Variants in LDLRAD4 observed in about 807,000 individuals in gnomAD.
LDLRAD4 encodes the protein low-density lipoprotein receptor class A domain-containing protein 4.
In LDLRAD4, 5 loss-of-function variants were observed where a neutral mutation model predicts 17.0. The observed-to-expected ratio is 0.29, with a 90% CI of 0.15 to 0.62. The LOEUF is 0.62. Ranked by LOEUF, LDLRAD4 falls within the 20% of genes least tolerant of loss-of-function variation. The pLI is 0.84. For missense variants in LDLRAD4, 340 were observed against 424.7 expected, an observed-to-expected ratio of 0.80 and a Z score of 1.75; for synonymous variants, 168 against 171.8, an observed-to-expected ratio of 0.98 and a Z score of 0.17.
intron 3 of LDLRAD4, among the ~76,000 whole-genome samples, chr18:13,595,317 A>ATTTGATATCTTTCTTAATGTAGGC (rs1171030181): frequency 2.0e-5 from 3 of 151,902 alleles, no homozygotes; most frequent in Non-Finnish European, 4.4e-5. Context: ...TAGGTTATTA[A>ATTTGATATCTTTCTTAATGTAGGC]TTTGATATCT....
intron 3 of LDLRAD4, among the ~76,000 whole-genome samples, chr18:13,586,764 T>A (rs1351116900): frequency 6.6e-6 from 1 of 151,466 alleles, no homozygotes; most frequent in Non-Finnish European, 1.5e-5. Context: ...GGCGCACACC[T>A]GTAATCCCAC....
At chr18:13,437,459 A>T (rs1245417566) in intron 2 of LDLRAD4, among the ~76,000 whole-genome samples, 1 of 152,234 alleles carries the variant, frequency 6.6e-6, no homozygotes, top group Non-Finnish European at 1.5e-5. Context: ...ATGGATAGTA[A>T]TGTGTTAAGT....
intron 3 of LDLRAD4, among the ~76,000 whole-genome samples, chr18:13,455,988 G>A (rs937752146): frequency 6.6e-6 from 1 of 152,120 alleles, no homozygotes; most frequent in East Asian, 1.9e-4. Flanking sequence ...TGGCAGGAGC[G>A]CCCGCCATGT....
In LDLRAD4 at chr18:13,300,269, C is replaced by T. The variant is rs1599232688; in HGVS notation, c.-383+22081C>T. On this transcript the variant is annotated intron_variant, in intron 1 of 5. Coordinates refer to ENST00000359446, the Ensembl canonical transcript of LDLRAD4. This position sits in a 1 kb window ranked among gnomAD's most constrained non-coding sequence, Gnocchi z 4.2. Reference sequence around the variant, plus strand: ...CAGGCCCGCAGAGGGGGCCGGCAGCCTCTTCCCACTCTCCTGCCCACCCCG... The same window carrying T: ...CAGGCCCGCAGAGGGGGCCGGCAGCTTCTTCCCACTCTCCTGCCCACCCCG... Among the ~76,000 whole-genome samples the T allele has an allele frequency of 3.3e-5, 5 of 152,194 alleles. No individual in the cohort carries two copies. The highest frequency in any genetic ancestry group is 7.4e-5 in the Non-Finnish European group (5 of 68,018).
intron 3 of LDLRAD4, among the ~76,000 whole-genome samples, chr18:13,590,503 G>A (rs1213978422): frequency 1.3e-5 from 2 of 152,184 alleles, no homozygotes; most frequent in Non-Finnish European, 2.9e-5. Context: ...GAATGTACAC[G>A]GCCCTGCAGC....
At chr18:13,263,794 C>T (rs1344225420) in intron 1 of LDLRAD4, among the ~76,000 whole-genome samples, 14 of 152,166 alleles carry the variant, frequency 9.2e-5, no homozygotes, top group Admixed American at 8.5e-4. Flanking sequence ...GTGAGGGAGT[C>T]GAGCTTGGAC....
At chr18:13,305,342 C>A (rs1191253404) in intron 1 of LDLRAD4, among the ~76,000 whole-genome samples, 5 of 152,184 alleles carry the variant, frequency 3.3e-5, no homozygotes, top group African/African-American at 1.2e-4. Flanking sequence ...TAGTCCATTG[C>A]TATACTACTG....
At chr18:13,637,848 A>G (rs1333138772) in intron 4 of LDLRAD4, among the ~76,000 whole-genome samples, 1 of 151,198 alleles carries the variant, frequency 6.6e-6, no homozygotes, top group Non-Finnish European at 1.5e-5. Context: ...CCTGGGCAAC[A>G]GAGCAAGACT....
At chr18:13,356,981 A>G (rs1399580733) in intron 1 of LDLRAD4, among the ~76,000 whole-genome samples, 1 of 152,070 alleles carries the variant, frequency 6.6e-6, no homozygotes, top group Non-Finnish European at 1.5e-5. Flanking sequence ...TAAAAATACA[A>G]AAATTAGCCG....
At chr18:13,322,364 A>G (rs188522605) in intron 1 of LDLRAD4, among the ~76,000 whole-genome samples, 4 of 147,184 alleles carry the variant, frequency 2.7e-5, no homozygotes, top group Middle Eastern at 3.5e-3. Context: ...CAGTGGCGCA[A>G]TCTTGGCTCA....
At chr18:13,361,769 G>A (rs1179147906) in intron 1 of LDLRAD4, among the ~76,000 whole-genome samples, 1 of 152,156 alleles carries the variant, frequency 6.6e-6, no homozygotes, top group Admixed American at 6.5e-5. Context: ...TGTTTTCCAT[G>A]AGGGGCCTCT....
chr18:13,535,960 G>A (rs1359867441), intron 3 of LDLRAD4, among the ~76,000 whole-genome samples: 2 of 152,224 alleles, frequency 1.3e-5, no homozygotes, highest in South Asian at 2.1e-4. Context: ...ATAAAGGACC[G>A]TATAACATTG....
exon 6 of LDLRAD4, chr18:13,651,223 GAAGA>G: frequency 6.6e-6 from 1 of 152,244 alleles, no homozygotes; most frequent in Non-Finnish European, 1.5e-5. Context: ...GCCTGCAGCA[GAAGA>G]CTTTGTTCAG....
At chr18:13,373,105 G>A (rs891284097) in intron 1 of LDLRAD4, among the ~76,000 whole-genome samples, 1 of 151,960 alleles carries the variant, frequency 6.6e-6, no homozygotes, top group East Asian at 1.9e-4. Flanking sequence ...ATTTTTAATG[G>A]AACTCTTAAC....
intron 3 of LDLRAD4, among the ~76,000 whole-genome samples, chr18:13,438,875 T>TGA (rs2090841140): frequency 6.6e-6 from 1 of 152,248 alleles, no homozygotes; most frequent in Admixed American, 6.5e-5. Flanking sequence ...TCCCCAAGGC[T>TGA]GAGGCTTTGA....
intron 4 of LDLRAD4, among the ~76,000 whole-genome samples, chr18:13,637,495 C>T (rs1241439594): frequency 6.6e-6 from 1 of 152,072 alleles, no homozygotes; most frequent in African/African-American, 2.4e-5. Flanking sequence ...TTCAAAACAC[C>T]ACCTTTGGAA....
intron 5 of LDLRAD4, chr18:13,644,854 A>G: frequency 2.3e-6 from 1 of 442,308 alleles, no homozygotes. Flanking sequence ...AGAAACTCCC[A>G]GGAGCCCAAG....
intron 3 of LDLRAD4, among the ~76,000 whole-genome samples, chr18:13,447,698 A>G (rs1466536305): frequency 6.6e-6 from 1 of 152,238 alleles, no homozygotes; most frequent in African/African-American, 2.4e-5. Context: ...GAATTGCAAC[A>G]ATGATAGTAA....
intron 1 of LDLRAD4, among the ~76,000 whole-genome samples, chr18:13,262,283 C>CGTGGAAACTGAGTCCCGTGT (rs2043893301): frequency 8.5e-6 from 1 of 117,306 alleles, no homozygotes; most frequent in Non-Finnish European, 1.7e-5. Context: ...TGGCCCTGTG[C>CGTGGAAACTGAGTCCCGTGT]GTGGAAACTG....
Sources: gnomAD v4.1 joint callset for allele counts (sites outside exome capture counted in the v4.1 genomes callset) on GRCh38, gnomAD v4.1.1 for gene constraint, Gnocchi (gnomAD v3.1) non-coding constraint, MANE v1.5 for transcripts, NCBI Gene and HGNC (gene_info 2026-07-23, HGNC 2026-07-21) for gene names.